KIF21B: variants seen among roughly 807,000 people sequenced by gnomAD.
KIF21B encodes the protein kinesin family member 21B.
In KIF21B, 85 loss-of-function variants were observed where a neutral mutation model predicts 192.9. The ratio of observed to expected loss-of-function variants is 0.44; its 90% confidence interval spans 0.37 to 0.53. The LOEUF is 0.53. KIF21B is among the 20% of genes least tolerant of loss of function. KIF21B has a pLI of 0.00. For synonymous variants in KIF21B, 832 were observed against 884.6 expected (o/e 0.94, Z 1.05); for missense variants, 1,716 against 2,194.8 (o/e 0.78, Z 4.36).
intron 22 of KIF21B, 83 bp downstream of exon 22, chr1:200,988,683 G>A (rs1656467447): frequency 6.5e-7 from 1 of 1,531,386 alleles, no homozygotes; most frequent in African/African-American, 1.4e-5. Context: ...TGGTTCTGGG[G>A]AAGTGAGGGC....
At chr1:201,007,266 ACACACGCAGACACC>A (rs1657918565) in intron 3 of KIF21B, among the ~76,000 whole-genome samples, 8 of 147,586 alleles carry the variant, frequency 5.4e-5, no homozygotes, top group African/African-American at 2.0e-4. Flanking sequence ...ACACAGACAC[ACACACGCAGACACC>A]CACACACAGA....
At position 200,969,603 on chromosome 1, in the gene KIF21B, A is replaced by G. The variant is rs1655121633; in HGVS notation, c.*3918T>C. The stretch of plus-strand genomic sequence containing the variant: ...AGCCTGGGCAGGACATGATTGCTAG[A>G]AAAGAGTTGGTGGGCAGGGCAGGGC... On this transcript the variant is annotated 3_prime_UTR_variant, in exon 35 of 35. Transcript: ENST00000461742. 1 of 152,758 alleles carries G rather than the reference A, an allele frequency of 6.5e-6. No individual in the cohort carries two copies. The highest frequency in any genetic ancestry group is 1.5e-5 in the Non-Finnish European group (1 of 68,076). 9.5% of individuals were successfully genotyped at this position (152,758 alleles called of 1,614,324 possible). A position where few individuals can be genotyped will look rare whatever the true frequency, so the allele number is the denominator to read the frequency against.
At position 201,000,012 on chromosome 1, in the gene KIF21B, C is replaced by T. The variant is rs151024430; in HGVS notation, c.1686-48G>A. On this transcript the variant is annotated intron_variant, in intron 11 of 34. Coordinates refer to ENST00000461742, the MANE Select transcript of KIF21B (RefSeq NM_001252102.2). The surrounding 1 kb of genome is among the most constrained non-coding windows in gnomAD (Gnocchi z 6.0). The stretch of plus-strand genomic sequence containing the variant: ...CTGGATTAGGAAGGCTGCCCCTGCC[C>T]TGAGCACATGGGCAGGACGGCGGCA... 1.0e-3 allele frequency: 1,590 copies of T among 1,552,186 alleles called. 16 individuals carry two copies. In the African/African-American group the frequency reaches 0.018, roughly 18 times the overall value.
chr1:200,994,335 T>G (rs1277030736), intron 15 of KIF21B, among the ~76,000 whole-genome samples: 2 of 152,220 alleles, frequency 1.3e-5, no homozygotes, highest in African/African-American at 2.4e-5. Context: ...GCTGGGGCCC[T>G]GTAGCTGAAC....
At chr1:200,984,836 AC>A (rs755330875) in intron 27 of KIF21B, 22 bp downstream of exon 27, 72 of 1,496,460 alleles carry the variant, frequency 4.8e-5, no homozygotes, top group Non-Finnish European at 6.1e-5. Context: ...GCCCTCCCCC[AC>A]TTGCCCTCCA....
In KIF21B at chr1:200,990,233, C is replaced by T; in HGVS notation, c.2935G>A (p.Ala979Thr). 6.2e-7 allele frequency: 1 copy of T among 1,614,108 alleles called. No homozygotes were observed. Among genetic ancestry groups the T allele is most frequent in the South Asian group, 1.1e-5 (1 of 91,084 alleles). ...GCTGCCAGCACCTCGATCTCCTCAG[C>T]CAGCTCCTGCAGCCCCTTCTCTTCC... ...PEEEKGLQELAEEIEVLAANI... is the reference protein window; with the variant it reads ...PEEEKGLQELTEEIEVLAANI... The change falls in exon 20 of 35, where the codon GCT (alanine) becomes ACT (threonine). Residue 979 changes from alanine (A) to threonine (T), a missense_variant. Around this residue, in one of 3 missense-constraint regions of KIF21B, gnomAD observed 49 missense variants for 102.6 expected, o/e 0.48. Transcript: ENST00000461742. The surrounding 1 kb of genome is among the most constrained non-coding windows in gnomAD (Gnocchi z 5.4).
chr1:200,994,754 C>T (rs1052157642), intron 15 of KIF21B, among the ~76,000 whole-genome samples: 3 of 152,176 alleles, frequency 2.0e-5, no homozygotes, highest in Admixed American at 6.5e-5. Flanking sequence ...AGAGTGGGGA[C>T]GCACATAAGC....
rs1452849211 is a variant in KIF21B, at chr1:200,982,798, G to C, written c.3842+258C>G. ...CAGGTGAGGAGGGAGAAGAGAACAG[G>C]GCCTGCGACAAGCAACTGTGCACCC... On this transcript the variant is annotated intron_variant, in intron 28 of 34. Transcript: ENST00000461742. The surrounding 1 kb of genome is among the most constrained non-coding windows in gnomAD (Gnocchi z 4.7). 6.6e-6 allele frequency among the ~76,000 whole-genome samples: 1 copy of C among 152,146 alleles called. No individual in the cohort carries two copies. Among genetic ancestry groups the C allele is most frequent in the East Asian group, 1.9e-4 (1 of 5,176 alleles).
intron 17 of KIF21B, 35 bp from the exon 18 acceptor site, chr1:200,991,184 G>A (rs200885211): frequency 1.9e-6 from 3 of 1,572,000 alleles, no homozygotes; most frequent in Admixed American, 3.5e-5. Context: ...GAGCCGGTGA[G>A]CAGGGTGGCC....
chr1:201,011,939 G>A (rs554071456), intron 1 of KIF21B, among the ~76,000 whole-genome samples: 1 of 152,248 alleles, frequency 6.6e-6, no homozygotes, highest in Admixed American at 6.5e-5. Context: ...AGCCCTGCTT[G>A]TCAGAGCCCT....
In KIF21B at chr1:201,000,278, G is replaced by A. The variant is rs1657394113; in HGVS notation, c.1685+112C>T. The stretch of plus-strand genomic sequence containing the variant: ...TACTGAGGCAGCCCCTGGGGCTGGG[G>A]GCGTGGAGGTTCCCTCCTAAACACT... On this transcript the variant is annotated intron_variant, in intron 11 of 34. Coordinates refer to ENST00000461742, the MANE Select transcript of KIF21B (RefSeq NM_001252102.2). This position sits in a 1 kb window ranked among gnomAD's most constrained non-coding sequence, Gnocchi z 6.0. 3 of 1,105,230 alleles carry A rather than the reference G, an allele frequency of 2.7e-6. No individual in the cohort carries two copies. The highest frequency in any genetic ancestry group is 3.9e-6 in the Non-Finnish European group (3 of 774,028). 68.5% of individuals were successfully genotyped at this position (1,105,230 alleles called of 1,614,324 possible).
rs1655282100 is a variant in KIF21B at position 200,972,662 on chromosome 1, G to C, written c.*859C>G. ...CCAGGGGTAGCTAGAAGACTCCCTG[G>C]GGGCTGTGTCGGGGACAGGCCTGAG... On this transcript the variant is annotated 3_prime_UTR_variant, in exon 35 of 35. Coordinates refer to ENST00000461742, the MANE Select transcript of KIF21B (RefSeq NM_001252102.2). 1 of 152,744 alleles carries C rather than the reference G, an allele frequency of 6.5e-6. No homozygotes were observed. The highest frequency in any genetic ancestry group is 2.1e-4 in the South Asian group (1 of 4,834). 9.5% of individuals were successfully genotyped at this position (152,744 alleles called of 1,614,324 possible).
chr1:200,991,234 G>A (rs2297908), intron 17 of KIF21B, 85 bp from the exon 18 acceptor site: 43,366 of 1,080,698 alleles, frequency 0.04, 1,815 homozygotes, highest in East Asian at 0.2. Flanking sequence ...GTGCCGGGCA[G>A]CAGGAACACA....
chr1:200,997,647 G>A (rs1434341838), intron 14 of KIF21B, among the ~76,000 whole-genome samples: 1 of 152,148 alleles, frequency 6.6e-6, no homozygotes, highest in African/African-American at 2.4e-5. Flanking sequence ...GGAGGCTGAG[G>A]CAGGAGAATC....
chr1:201,000,646 T>G lies in KIF21B; in HGVS notation c.1467-38A>C. On this transcript the variant is annotated intron_variant, in intron 10 of 34. Coordinates refer to ENST00000461742, the MANE Select transcript of KIF21B (RefSeq NM_001252102.2). This position sits in a 1 kb window ranked among gnomAD's most constrained non-coding sequence, Gnocchi z 6.0. The stretch of plus-strand genomic sequence containing the variant: ...AACGAGTGGACGGGGCCGAGTGAGC[T>G]GCCACAGCCCTTGGCGTCACCTGGC... 1 of 1,613,258 alleles carries G rather than the reference T, an allele frequency of 6.2e-7. No individual in the cohort carries two copies. Among genetic ancestry groups the G allele is most frequent in the Non-Finnish European group, 8.5e-7 (1 of 1,179,558 alleles).
intron 8 of KIF21B, 173 bp from the exon 9 acceptor site, chr1:201,002,523 CA>C: frequency 1.7e-6 from 1 of 604,224 alleles, no homozygotes; most frequent in Non-Finnish European, 2.9e-6. Context: ...CCCCAGTGAT[CA>C]AAAACCTTAC....
rs74618368 is a variant in KIF21B, at chr1:200,987,415, T to A, written c.3409-214A>T. Reference sequence around the variant, plus strand: ...GCCACCATAGCCGGATAATTAAAAATTTTTTTTCTGTAGAGATAGGGTCTC... The same window carrying A: ...GCCACCATAGCCGGATAATTAAAAAATTTTTTTCTGTAGAGATAGGGTCTC... On this transcript the variant is annotated intron_variant, in intron 24 of 34. Coordinates refer to ENST00000461742, the MANE Select transcript of KIF21B (RefSeq NM_001252102.2). 9.5e-4 allele frequency among the ~76,000 whole-genome samples: 26 copies of A among 27,486 alleles called. No individual in the cohort carries two copies. The African/African-American group carries it at 0.014, about 15-fold the overall frequency. 18.0% of individuals were successfully genotyped at this position (27,486 alleles called of 152,430 possible).
At chr1:201,008,396 A>C (rs1021132875) in intron 3 of KIF21B, among the ~76,000 whole-genome samples, 4 of 152,186 alleles carry the variant, frequency 2.6e-5, no homozygotes, top group African/African-American at 9.7e-5. Context: ...GCCAGAAGGA[A>C]GGGAGAGAGC....
At position 200,999,269 on chromosome 1, in the gene KIF21B, TGAGCA is replaced by T. The variant is rs952526858; in HGVS notation, c.1885+75_1885+79del. The T allele has an allele frequency of 1.3e-5, 21 of 1,566,932 alleles. No individual in the cohort carries two copies. Among genetic ancestry groups the T allele is most frequent in the Non-Finnish European group, 1.7e-5 (19 of 1,139,476 alleles). On this transcript the variant is annotated intron_variant, in intron 13 of 34. Coordinates refer to ENST00000461742, the MANE Select transcript of KIF21B (RefSeq NM_001252102.2). This position sits in a 1 kb window ranked among gnomAD's most constrained non-coding sequence, Gnocchi z 4.7. Reference sequence around the variant, plus strand: ...GCTGGGGCCTGGACACCATTATCTTTGAGCAGGGCCCGACCCCACACTTGGGCACT... The same window carrying T: ...GCTGGGGCCTGGACACCATTATCTTTGGGCCCGACCCCACACTTGGGCACT...
Sources: allele counts gnomAD v4.1 joint callset (sites outside exome capture counted in the v4.1 genomes callset), GRCh38; gene constraint gnomAD v4.1.1; regional missense constraint gnomAD v4.1.1; non-coding constraint Gnocchi (gnomAD v3.1); transcripts MANE v1.5; gene names NCBI Gene and HGNC (gene_info 2026-07-23, HGNC 2026-07-21).